HPSE2: variants seen among roughly 807,000 people sequenced by gnomAD.
HPSE2 encodes inactive heparanase-2.
In HPSE2, 38 loss-of-function variants were observed where a neutral mutation model predicts 60.5. The ratio of observed to expected loss-of-function variants is 0.63; its 90% CI spans 0.48 to 0.82. The LOEUF (loss-of-function observed/expected upper bound fraction) is 0.82. HPSE2 is among the 40% of genes least tolerant of loss of function. The pLI is 0.00. For missense variants in HPSE2, 713 were observed against 740.4 expected, an observed-to-expected ratio of 0.96 and a Z score of 0.43; for synonymous variants, 295 against 293.2, an observed-to-expected ratio of 1.01 and a Z score of -0.06.
At position 98,935,125 on chromosome 10, in the gene HPSE2, A is replaced by G. The variant is rs139741589; in HGVS notation, c.611-191069T>C. ...ACAAAGTTCTCGTGTTGTGTTTTTC[A>G]GCTCCATCAGGTTGCTTATGTTCCT... On this transcript the variant is annotated intron_variant, in intron 3 of 11. Transcript: ENST00000370552. Among the ~76,000 whole-genome samples, 73 of 142,184 alleles carry G rather than the reference A, an allele frequency of 5.1e-4. 18 individuals carry two copies. Among genetic ancestry groups the G allele is most frequent in the African/African-American group, 2.0e-3 (68 of 34,484 alleles). 93.3% of individuals were successfully genotyped at this position (142,184 alleles called of 152,430 possible).
At chr10:98,490,288 C>T in intron 9 of HPSE2, 92 bp from the exon 10 acceptor site, 1 of 679,752 alleles carries the variant, frequency 1.5e-6, no homozygotes, top group South Asian at 1.9e-5. Flanking sequence ...CACACACACA[C>T]ACACGGGCCA....
At chr10:99,123,917 T>G (rs1185944452) in intron 3 of HPSE2, among the ~76,000 whole-genome samples, 1 of 151,470 alleles carries the variant, frequency 6.6e-6, no homozygotes, top group Non-Finnish European at 1.5e-5. Context: ...AGACCCAGAG[T>G]GGGTAGCTCC....
chr10:99,253,870 T>G, the HPSE2 span, among the ~76,000 whole-genome samples: 2 of 152,092 alleles, frequency 1.3e-5, no homozygotes, highest in Non-Finnish European at 2.9e-5. Context: ...TCCACATAAC[T>G]AATCATCAGA....
At chr10:98,466,420 T>C (rs1395029030) in intron 11 of HPSE2, among the ~76,000 whole-genome samples, 1 of 152,028 alleles carries the variant, frequency 6.6e-6, no homozygotes, top group Non-Finnish European at 1.5e-5. Flanking sequence ...GAGACCAGCC[T>C]GGTCAACATG....
At chr10:99,144,632 C>G (rs1845983572) in intron 2 of HPSE2, among the ~76,000 whole-genome samples, 1 of 152,176 alleles carries the variant, frequency 6.6e-6, no homozygotes, top group Non-Finnish European at 1.5e-5. Context: ...TTAGCTCTTT[C>G]TGACATCATT....
rs1564692691 is a variant in HPSE2, at chr10:98,960,719, TTG to T, written c.610+183517_610+183518del. On this transcript the variant is annotated intron_variant, in intron 3 of 11. Coordinates refer to ENST00000370552, the MANE Select transcript of HPSE2 (RefSeq NM_021828.5). ...TACATTTCTTTTTTTTTTTTTTTTT[TTG>T]TTTTATTTTTTTTATTTTATTTTTT... Among the ~76,000 whole-genome samples, 604 of 67,852 alleles carry T rather than the reference TTG, an allele frequency of 8.9e-3. 5 individuals carry two copies. The highest frequency in any genetic ancestry group is 0.032 in the East Asian group (64 of 2,022). 44.5% of individuals were successfully genotyped at this position (67,852 alleles called of 152,430 possible).
the HPSE2 span, among the ~76,000 whole-genome samples, chr10:99,290,456 G>A: frequency 5.3e-4 from 81 of 152,278 alleles, 1 homozygote; most frequent in Non-Finnish European, 7.1e-4. Context: ...GTGCCACTGA[G>A]CCCAACTGAC....
intron 3 of HPSE2, among the ~76,000 whole-genome samples, chr10:98,861,789 A>C (rs1321035893): frequency 6.6e-6 from 1 of 152,118 alleles, no homozygotes; most frequent in Non-Finnish European, 1.5e-5. Flanking sequence ...GGGTGCTTTC[A>C]AAAGGGGATG....
In HPSE2 at chr10:98,459,287, C is replaced by T. The variant is rs531099033; in HGVS notation, c.*287G>A. The T allele has an allele frequency of 6.9e-6, 3 of 432,876 alleles. No homozygotes were observed. The highest frequency in any genetic ancestry group is 1.3e-5 in the Non-Finnish European group (3 of 232,056). 26.8% of individuals were successfully genotyped at this position (432,876 alleles called of 1,614,324 possible). ...TTCTCCTGGGAGTGTGCTGTCAGCT[C>T]GTTTTCATAGTGCACATGAAGGGAA... On this transcript the variant is annotated 3_prime_UTR_variant, in exon 12 of 12. Transcript: ENST00000370552.
chr10:98,560,944 C>T (rs1944157754), intron 9 of HPSE2, among the ~76,000 whole-genome samples: 1 of 152,068 alleles, frequency 6.6e-6, no homozygotes, highest in Non-Finnish European at 1.5e-5. Flanking sequence ...TAATAAATGA[C>T]TTTGTGACTG....
chr10:99,121,053 C>T (rs1844932815), intron 3 of HPSE2, among the ~76,000 whole-genome samples: 1 of 152,118 alleles, frequency 6.6e-6, no homozygotes, highest in African/African-American at 2.4e-5. Flanking sequence ...ATAAAATCAA[C>T]CTAAATGCCC....
intron 9 of HPSE2, among the ~76,000 whole-genome samples, chr10:98,612,617 G>C (rs1159547679): frequency 1.3e-5 from 2 of 152,074 alleles, no homozygotes; most frequent in Admixed American, 6.5e-5. Context: ...AAATTTGAAT[G>C]AGTGATGAAA....
intron 7 of HPSE2, among the ~76,000 whole-genome samples, chr10:98,630,081 C>A (rs149647014): frequency 4.7e-4 from 72 of 152,260 alleles, no homozygotes; most frequent in African/African-American, 1.7e-3. Context: ...ACTTTCACAA[C>A]CATCCCTTAG....
intron 2 of HPSE2, among the ~76,000 whole-genome samples, chr10:99,208,309 A>T (rs2133902023): frequency 6.6e-6 from 1 of 152,284 alleles, no homozygotes; most frequent in South Asian, 2.1e-4. Flanking sequence ...AACTACCAGA[A>T]AACATTAACA....
the HPSE2 span, among the ~76,000 whole-genome samples, chr10:99,241,768 T>TA: frequency 6.7e-4 from 102 of 152,012 alleles, no homozygotes; most frequent in Admixed American, 1.4e-3. Flanking sequence ...CTCAAAAAAA[T>TA]AAAAAAAATT....
chr10:98,713,498 C>G (rs189479650), intron 5 of HPSE2, among the ~76,000 whole-genome samples: 2 of 151,690 alleles, frequency 1.3e-5, no homozygotes, highest in African/African-American at 2.4e-5. Context: ...AGTGCATATT[C>G]GAAGTCAATG....
intron 8 of HPSE2, among the ~76,000 whole-genome samples, chr10:98,619,597 A>C (rs1192185714): frequency 6.6e-6 from 1 of 152,072 alleles, no homozygotes; most frequent in Non-Finnish European, 1.5e-5. Context: ...TTTGGTGGTA[A>C]ACCCTTTCCT....
chr10:98,980,214 C>A (rs1373170751), intron 3 of HPSE2, among the ~76,000 whole-genome samples: 1 of 152,120 alleles, frequency 6.6e-6, no homozygotes, highest in African/African-American at 2.4e-5. Flanking sequence ...GAAATAATAT[C>A]AATCTCACAA....
intron 3 of HPSE2, among the ~76,000 whole-genome samples, chr10:98,974,424 T>C (rs1448736872): frequency 6.6e-6 from 1 of 152,132 alleles, no homozygotes; most frequent in African/African-American, 2.4e-5. Context: ...GTTACCTTAA[T>C]GCCCGGCTAA....
Sources: allele counts gnomAD v4.1 joint callset (sites outside exome capture counted in the v4.1 genomes callset), GRCh38; gene constraint gnomAD v4.1.1; transcripts MANE v1.5; gene names NCBI Gene and HGNC (gene_info 2026-07-23, HGNC 2026-07-21).